Variants in PYHIN1 observed in about 807,000 individuals in gnomAD.
PYHIN1 encodes the protein pyrin and HIN domain-containing protein 1.
A neutral mutation model predicts 43.7 loss-of-function variants in PYHIN1; 32 were observed. The observed-to-expected ratio is 0.73, with a 90% confidence interval of 0.55 to 0.98. PYHIN1 has a LOEUF of 0.98. Ranked by LOEUF, PYHIN1 falls within the 50% of genes least tolerant of loss-of-function variation. The pLI is 0.00. For synonymous variants in PYHIN1, 205 were observed against 203.1 expected (o/e 1.01, Z -0.08); for missense variants, 588 against 589.5 (o/e 1.00, Z 0.03).
At chr1:158,961,566 T>C (rs1650322220) in intron 7 of PYHIN1, among the ~76,000 whole-genome samples, 1 of 148,336 alleles carries the variant, frequency 6.7e-6, no homozygotes, top group African/African-American at 2.5e-5. Flanking sequence ...TAGAGAAGAG[T>C]GAGACAAGAC....
At chr1:158,984,026 CTGTTT>C in the PYHIN1 span, among the ~76,000 whole-genome samples, 1 of 67,698 alleles carries the variant, frequency 1.5e-5, no homozygotes, top group South Asian at 6.0e-4. Context: ...GGATCTTCTC[CTGTTT>C]TTTTTTTTTT....
At chr1:158,950,029 T>C (rs1247923983) in intron 7 of PYHIN1, among the ~76,000 whole-genome samples, 2 of 152,166 alleles carry the variant, frequency 1.3e-5, no homozygotes, top group African/African-American at 4.8e-5. Flanking sequence ...GGCACCTTAG[T>C]CCAATGTGTG....
At position 158,936,248 on chromosome 1, in the gene PYHIN1, C is replaced by T. The variant is rs762464366; in HGVS notation, c.-20-643C>T. Among the ~76,000 whole-genome samples, 10 of 122,332 alleles carry T rather than the reference C, an allele frequency of 8.2e-5. No individual in the cohort carries two copies. The South Asian group carries it at 1.1e-3, about 14-fold the overall frequency. 80.3% of individuals were successfully genotyped at this position (122,332 alleles called of 152,430 possible). A position where few individuals can be genotyped will look rare whatever the true frequency, so the allele number is the denominator to read the frequency against. ...ACAACAGTCCCCAGTGTGCGATGTTCCCCGTCCTGTGTCCATGTGTTCTCA... is the reference window on the plus strand; with the variant it reads ...ACAACAGTCCCCAGTGTGCGATGTTTCCCGTCCTGTGTCCATGTGTTCTCA... On this transcript the variant is annotated intron_variant, in intron 1 of 8. Coordinates refer to ENST00000368140, the MANE Select transcript of PYHIN1 (RefSeq NM_152501.5).
chr1:158,947,922 G>A (rs1649310400), intron 7 of PYHIN1, among the ~76,000 whole-genome samples: 1 of 152,204 alleles, frequency 6.6e-6, no homozygotes, highest in African/African-American at 2.4e-5. Flanking sequence ...TCAAGGTAAG[G>A]ATTAGGCTGC....
chr1:158,975,635 AC>A (rs1335103071), intron 8 of PYHIN1, among the ~76,000 whole-genome samples: 1 of 152,084 alleles, frequency 6.6e-6, no homozygotes, highest in African/African-American at 2.4e-5. Context: ...TCTTCAATAC[AC>A]CTCTTATGAG....
intron 7 of PYHIN1, among the ~76,000 whole-genome samples, chr1:158,951,276 T>G (rs1468914269): frequency 6.6e-6 from 1 of 152,106 alleles, no homozygotes; most frequent in African/African-American, 2.4e-5. Context: ...TTCATTGCCA[T>G]AAGCCAATGG....
chr1:158,977,623 T>A (rs867788943), downstream of PYHIN1, among the ~76,000 whole-genome samples: 3 of 152,140 alleles, frequency 2.0e-5, no homozygotes, highest in African/African-American at 2.4e-5. Flanking sequence ...AAAGTCAGTA[T>A]CTAAAACTTA....
chr1:158,990,297 G>T, the PYHIN1 span, among the ~76,000 whole-genome samples: 1 of 152,140 alleles, frequency 6.6e-6, no homozygotes, highest in Admixed American at 6.5e-5. Context: ...TCTAGGGGTA[G>T]AATGAGCTGT....
chr1:158,953,052 A>G (rs1649662968), intron 7 of PYHIN1, among the ~76,000 whole-genome samples: 1 of 152,234 alleles, frequency 6.6e-6, no homozygotes, highest in South Asian at 2.1e-4. Context: ...GACCGGCTTA[A>G]AAAATGGCGC....
At chr1:158,961,578 A>G (rs1650322772) in intron 7 of PYHIN1, among the ~76,000 whole-genome samples, 1 of 151,980 alleles carries the variant, frequency 6.6e-6, no homozygotes, top group Admixed American at 6.6e-5. Context: ...AGACAAGACA[A>G]TTGCTCACCT....
chr1:158,989,082 C>T, the PYHIN1 span, among the ~76,000 whole-genome samples: 1 of 152,062 alleles, frequency 6.6e-6, no homozygotes, highest in Non-Finnish European at 1.5e-5. Context: ...CTGGTTCTTC[C>T]CTTTTAAAAT....
intron 1 of PYHIN1, among the ~76,000 whole-genome samples, chr1:158,935,186 TGGGA>T (rs1648447663): frequency 6.6e-6 from 1 of 151,844 alleles, no homozygotes; most frequent in Non-Finnish European, 1.5e-5. Flanking sequence ...TAGAGGAATG[TGGGA>T]ATGGCTTTCC....
chr1:158,939,645 T>C, intron 4 of PYHIN1: 1 of 939,424 alleles, frequency 1.1e-6, no homozygotes, highest in Non-Finnish European at 1.7e-6. Context: ...CTTTAAACTC[T>C]TACCTGGCCA....
intron 1 of PYHIN1, among the ~76,000 whole-genome samples, chr1:158,934,189 G>A (rs1648357745): frequency 6.6e-6 from 1 of 152,086 alleles, no homozygotes; most frequent in South Asian, 2.1e-4. Context: ...AGTGTTATCA[G>A]TGTCATTACT....
downstream of PYHIN1, among the ~76,000 whole-genome samples, chr1:158,981,442 G>T (rs572388097): frequency 3.2e-4 from 48 of 152,276 alleles, no homozygotes; most frequent in Non-Finnish European, 6.5e-4. Flanking sequence ...TTGCACTCCA[G>T]CCTGGGGGAC....
At chr1:158,952,883 G>A (rs972307516) in intron 7 of PYHIN1, among the ~76,000 whole-genome samples, 3 of 152,198 alleles carry the variant, frequency 2.0e-5, no homozygotes, top group Non-Finnish European at 2.9e-5. Flanking sequence ...GTGGGCGCAG[G>A]TCAGTGGGTG....
At chr1:158,986,924 C>T in the PYHIN1 span, among the ~76,000 whole-genome samples, 2 of 152,078 alleles carry the variant, frequency 1.3e-5, no homozygotes, top group African/African-American at 2.4e-5. Context: ...GAGAGTGGGC[C>T]ACTCTACACC....
chr1:158,975,918 A>G (rs16841398), intron 8 of PYHIN1, among the ~76,000 whole-genome samples: 8,690 of 152,198 alleles, frequency 0.057, 310 homozygotes, highest in East Asian at 0.12. Flanking sequence ...GGGTTTTTCA[A>G]TAATTATCTT....
intron 7 of PYHIN1, among the ~76,000 whole-genome samples, chr1:158,956,530 A>G (rs1649943241): frequency 1.3e-5 from 2 of 151,320 alleles, no homozygotes; most frequent in Admixed American, 6.6e-5. Context: ...AGATGCAGAA[A>G]AAGCCTTTGA....
Sources: gnomAD v4.1 joint callset for allele counts (sites outside exome capture counted in the v4.1 genomes callset) on GRCh38, gnomAD v4.1.1 for gene constraint, MANE v1.5 for transcripts, NCBI Gene and HGNC (gene_info 2026-07-23, HGNC 2026-07-21) for gene names.